Variants in SEMA3A observed in about 807,000 individuals in gnomAD.
The protein encoded by SEMA3A is semaphorin-3A.
SEMA3A carries 29 observed loss-of-function variants against 97.9 expected under a neutral mutation model. The observed-to-expected ratio is 0.30, with a 90% CI of 0.22 to 0.40. SEMA3A has a LOEUF of 0.40. SEMA3A is among the 10% of genes least tolerant of loss of function. SEMA3A has a pLI of 1.00. For missense variants in SEMA3A, 763 were observed against 951.3 expected (o/e 0.80, Z 2.60); for synonymous variants, 321 against 323.7 (o/e 0.99, Z 0.09).
At chr7:84,362,865 C>A (rs1027729514) in intron 2 of SEMA3A, among the ~76,000 whole-genome samples, 9 of 151,926 alleles carry the variant, frequency 5.9e-5, no homozygotes, top group Non-Finnish European at 1.2e-4. Context: ...CACAGTAGGA[C>A]TGAGTAGACT....
chr7:84,046,693 T>A (rs1383520976), intron 5 of SEMA3A, among the ~76,000 whole-genome samples: 2 of 152,022 alleles, frequency 1.3e-5, no homozygotes, highest in Non-Finnish European at 2.9e-5. Context: ...ACTTAGAAAA[T>A]CTGAATAAAG....
intron 3 of SEMA3A, among the ~76,000 whole-genome samples, chr7:84,229,161 CA>C (rs959322222): frequency 1.9e-3 from 272 of 146,444 alleles, no homozygotes; most frequent in African/African-American, 5.8e-3. Context: ...CTAAATTTGG[CA>C]AAAAAAAAAG....
chr7:84,479,951 A>C (rs567078736), intron 1 of SEMA3A, among the ~76,000 whole-genome samples: 72 of 152,238 alleles, frequency 4.7e-4, no homozygotes, highest in Non-Finnish European at 8.7e-4. Flanking sequence ...TCTGAATCCA[A>C]TGCAAACTTT....
At chr7:84,322,497 A>G (rs1801672413) in intron 2 of SEMA3A, among the ~76,000 whole-genome samples, 2 of 152,086 alleles carry the variant, frequency 1.3e-5, no homozygotes, top group African/African-American at 4.8e-5. Flanking sequence ...AGTTTCCCCT[A>G]TGCTGTTCTC....
At chr7:84,130,972 A>G (rs188688691) in intron 2 of SEMA3A, among the ~76,000 whole-genome samples, 6 of 152,166 alleles carry the variant, frequency 3.9e-5, no homozygotes, top group Non-Finnish European at 5.9e-5. Flanking sequence ...GAGACAGTAT[A>G]GACCTCATTT....
intron 3 of SEMA3A, among the ~76,000 whole-genome samples, chr7:84,277,358 G>A (rs1463243765): frequency 6.6e-6 from 1 of 152,098 alleles, no homozygotes; most frequent in Non-Finnish European, 1.5e-5. Flanking sequence ...GTGGGTGTGT[G>A]TGTGAATACA....
intron 2 of SEMA3A, among the ~76,000 whole-genome samples, chr7:84,350,267 A>G (rs1802405102): frequency 6.6e-6 from 1 of 152,086 alleles, no homozygotes; most frequent in Non-Finnish European, 1.5e-5. Context: ...GGCCCAACAC[A>G]CTTCCCAATA....
At chr7:84,479,207 G>A (rs995015791) in intron 1 of SEMA3A, among the ~76,000 whole-genome samples, 1 of 152,104 alleles carries the variant, frequency 6.6e-6, no homozygotes, top group African/African-American at 2.4e-5. Context: ...GAGAAACCTG[G>A]GGTGCCTTAA....
chr7:84,358,602 A>G (rs537698126), intron 2 of SEMA3A, among the ~76,000 whole-genome samples: 15 of 152,134 alleles, frequency 9.9e-5, no homozygotes, highest in African/African-American at 3.6e-4. Context: ...TTGGCTTAGG[A>G]TTGACTTGGC....
chr7:84,220,924 G>C (rs1307346970), intron 3 of SEMA3A, among the ~76,000 whole-genome samples: 1 of 152,134 alleles, frequency 6.6e-6, no homozygotes, highest in East Asian at 1.9e-4. Flanking sequence ...CTTCTAACAA[G>C]AGAGTTGGTC....
intron 1 of SEMA3A, among the ~76,000 whole-genome samples, chr7:84,454,688 A>G (rs1047730612): frequency 2.0e-5 from 3 of 152,080 alleles, no homozygotes. Context: ...AACACCCAAA[A>G]TGAAAACAAA....
At chr7:84,135,357 T>C (rs967681927) in intron 1 of SEMA3A, among the ~76,000 whole-genome samples, 1 of 151,958 alleles carries the variant, frequency 6.6e-6, no homozygotes, top group African/African-American at 2.4e-5. Context: ...GTGATCCTCC[T>C]GCCTCGGCCT....
At chr7:84,146,638 G>A (rs965409363) in intron 1 of SEMA3A, among the ~76,000 whole-genome samples, 3 of 152,188 alleles carry the variant, frequency 2.0e-5, no homozygotes, top group East Asian at 1.9e-4. Context: ...ATGTCATAAT[G>A]TGGACAAAAA....
At chr7:83,997,119 G>C (rs3801592) in intron 12 of SEMA3A, among the ~76,000 whole-genome samples, 1 of 152,170 alleles carries the variant, frequency 6.6e-6, no homozygotes, top group East Asian at 1.9e-4. Flanking sequence ...TTCTGTCAAG[G>C]ACACATAATG....
chr7:84,316,129 T>TAAAA (rs1562900012), intron 2 of SEMA3A, among the ~76,000 whole-genome samples: 1 of 38,834 alleles, frequency 2.6e-5, no homozygotes, highest in Non-Finnish European at 4.6e-5. Context: ...AGACTCTATC[T>TAAAA]CAAAAAAAAA....
chr7:84,122,441 C>T (rs1795651252), intron 3 of SEMA3A, among the ~76,000 whole-genome samples: 1 of 151,956 alleles, frequency 6.6e-6, no homozygotes, highest in African/African-American at 2.4e-5. Context: ...TTTAAAAAAG[C>T]ATGCAAAAAG....
At chr7:84,354,471 C>A (rs185769182) in intron 2 of SEMA3A, among the ~76,000 whole-genome samples, 1 of 151,602 alleles carries the variant, frequency 6.6e-6, no homozygotes, top group Admixed American at 6.6e-5. Flanking sequence ...TTCCTATACC[C>A]CCATTCCCTT....
intron 1 of SEMA3A, among the ~76,000 whole-genome samples, chr7:84,457,405 A>G (rs1301134717): frequency 3.3e-5 from 5 of 151,896 alleles, no homozygotes; most frequent in African/African-American, 1.2e-4. Context: ...GCTGCAGTCA[A>G]TGGTGAAAGA....
At chr7:84,068,892 C>T (rs1322269202) in intron 4 of SEMA3A, among the ~76,000 whole-genome samples, 1 of 152,112 alleles carries the variant, frequency 6.6e-6, no homozygotes, top group Admixed American at 6.5e-5. Context: ...TGAAAGCTGG[C>T]ATCCCTTTCC....
Sources: allele counts gnomAD v4.1 joint callset (sites outside exome capture counted in the v4.1 genomes callset), GRCh38; gene constraint gnomAD v4.1.1; transcripts MANE v1.5; gene names NCBI Gene and HGNC (gene_info 2026-07-23, HGNC 2026-07-21).